PTX3: variants seen among roughly 807,000 people sequenced by gnomAD.
The protein encoded by PTX3 is pentraxin-related protein PTX3.
PTX3 carries 24 observed loss-of-function variants against 23.5 expected under a neutral mutation model. The ratio of observed to expected loss-of-function variants is 1.02; its 90% CI spans 0.74 to 1.43. The LOEUF is 1.43. PTX3 is among the 40% of genes most tolerant of loss of function. The pLI, the probability that PTX3 is intolerant of heterozygous loss-of-function variation, is 0.00. For synonymous variants in PTX3, 218 were observed against 205.4 expected (o/e 1.06, Z -0.53); for missense variants, 510 against 497.5 (o/e 1.02, Z -0.24).
In PTX3 at chr3:157,436,879, T is replaced by A. The variant is rs1733620906; in HGVS notation, c.-55T>A. The A allele has an allele frequency of 6.3e-7, 1 of 1,588,506 alleles. No homozygotes were observed. Among genetic ancestry groups the A allele is most frequent in the Admixed American group, 1.8e-5 (1 of 56,504 alleles). Reference sequence around the variant, plus strand: ...TCACTCTCCTCCGCTCAAACTCAGCTCACTTGAGAGTCTCCTCCCGCCAGC... The same window carrying A: ...TCACTCTCCTCCGCTCAAACTCAGCACACTTGAGAGTCTCCTCCCGCCAGC... On this transcript the variant is annotated 5_prime_UTR_variant, in exon 1 of 3. Coordinates refer to ENST00000295927, the MANE Select transcript of PTX3 (RefSeq NM_002852.4).
chr3:157,439,100 G>T (rs1425581108), intron 2 of PTX3, among the ~76,000 whole-genome samples: 1 of 152,104 alleles, frequency 6.6e-6, no homozygotes, highest in East Asian at 1.9e-4. Context: ...CTTCAGAGGA[G>T]AAAAAGCATA....
rs987133414 is a variant in PTX3, at chr3:157,442,653, T to C, written c.820T>C (p.Trp274Arg). 1 of 1,614,204 alleles carries C rather than the reference T, an allele frequency of 6.2e-7. No homozygotes were observed. Among genetic ancestry groups the C allele is most frequent in the Non-Finnish European group, 8.5e-7 (1 of 1,180,032 alleles). The change falls in exon 3 of 3, where the codon TGG becomes CGG. Residue 274 changes from tryptophan (W) to arginine (R), a missense_variant. Coordinates refer to ENST00000295927, the MANE Select transcript of PTX3 (RefSeq NM_002852.4). ...AAGGTGGACCCACCTGTGCGGCACC[T>C]GGAATTCAGAGGAAGGGCTCACATC... ...LGRWTHLCGT[W>R]NSEEGLTSLW... is the part of the protein sequence containing the mutation.
In PTX3 at chr3:157,438,020, AGC is replaced by A. The variant is rs113324549; in HGVS notation, c.532+123_532+124del. ...CCTTCTAGGGGAAGCTTTCATGGGAAGCGCGCGCGCGCGCGCGCACACACACA... is the reference window on the plus strand; with the variant it reads ...CCTTCTAGGGGAAGCTTTCATGGGAAGCGCGCGCGCGCGCGCACACACACA... On this transcript the variant is annotated intron_variant, in intron 2 of 2. Transcript: ENST00000295927. 5,987 of 829,452 alleles carry A rather than the reference AGC, an allele frequency of 7.2e-3. 53 individuals carry two copies. The highest frequency in any genetic ancestry group is 0.032 in the African/African-American group (1,538 of 48,514). The allele number at this position is 829,452 out of a possible 1,614,324, so 51.4% of individuals were successfully genotyped here.
At position 157,437,722 on chromosome 3, in the gene PTX3, AC is replaced by A; in HGVS notation, c.342del (p.Ser115ValfsTer39). The A allele has an allele frequency of 6.5e-7, 1 of 1,527,000 alleles. No homozygotes were observed. The allele number at this position is 1,527,000 out of a possible 1,614,324, so 94.6% of individuals were successfully genotyped here. A position where few individuals can be genotyped will look rare whatever the true frequency, so the allele number is the denominator to read the frequency against. On this transcript the variant is annotated frameshift_variant, in exon 2 of 3. Coordinates refer to ENST00000295927, the MANE Select transcript of PTX3 (RefSeq NM_002852.4). LOFTEE classifies it high-confidence loss of function. ...GGGGGCTCCCGCAGAGGCCAGGCTG[AC>A]CAGTGCTCTGGACGAGCTGCTGCAG... ...APGAPAEARLTSALDELLQAT... is the reference protein window; with the variant it reads ...APGAPAEARLXSALDELLQAT...
Position 157,437,702 on chromosome 3 carries a change from C to T in PTX3, c.320C>T (p.Ala107Val), listed in dbSNP as rs1430005190. 3 of 1,531,754 alleles carry T rather than the reference C, an allele frequency of 2.0e-6. No individual in the cohort carries two copies. The Admixed American group carries it at 5.9e-5, about 30-fold the overall frequency. 94.9% of individuals were successfully genotyped at this position (1,531,754 alleles called of 1,614,324 possible). The stretch of plus-strand genomic sequence containing the variant: ...CTGGCGAGGCCGTGCGCGCCGGGGG[C>T]TCCCGCAGAGGCCAGGCTGACCAGT... ...ESLARPCAPG[A>V]PAEARLTSAL... The change falls in exon 2 of 3, where the codon GCT becomes GTT. Residue 107 changes from alanine to valine, a missense_variant. Coordinates refer to ENST00000295927, the MANE Select transcript of PTX3 (RefSeq NM_002852.4).
Position 157,438,037 on chromosome 3 carries a change from GCACACACACACA to G in PTX3, c.532+147_532+158del, listed in dbSNP as rs781700719. ...TCATGGGAAGCGCGCGCGCGCGCGC[GCACACACACACA>G]CACACACACACACACACACACACCC... On this transcript the variant is annotated intron_variant, in intron 2 of 2. Transcript: ENST00000295927. 44 of 516,102 alleles carry G rather than the reference GCACACACACACA, an allele frequency of 8.5e-5. 1 individual carries two copies. The highest frequency in any genetic ancestry group is 1.0e-3 in the Middle Eastern group (2 of 1,944). 32.0% of individuals were successfully genotyped at this position (516,102 alleles called of 1,614,324 possible).
intron 2 of PTX3, among the ~76,000 whole-genome samples, chr3:157,439,997 G>A (rs1440345289): frequency 1.3e-5 from 2 of 152,056 alleles, no homozygotes; most frequent in Non-Finnish European, 2.9e-5. Context: ...TGATCCACCC[G>A]CCTCAGCCTC....
chr3:157,437,630 G>T lies in PTX3; in HGVS notation c.248G>T (p.Gly83Val), dbSNP rs148943471. 4 of 1,555,522 alleles carry T rather than the reference G, an allele frequency of 2.6e-6. No homozygotes were observed. In the South Asian group the frequency reaches 3.5e-5, roughly 14 times the overall value. The part of the protein sequence containing the change: ...LLQATDDVLR[G>V]ELQRLREELG... ...CAAGCCACGGACGACGTCCTGCGGGGCGAGCTGCAGAGGCTGCGGGAGGAG... is the reference window on the plus strand; with the variant it reads ...CAAGCCACGGACGACGTCCTGCGGGTCGAGCTGCAGAGGCTGCGGGAGGAG... Residue 83 changes from glycine to valine, a missense_variant, in exon 2 of 3, where the codon GGC (glycine) becomes GTC (valine). Physicochemically the swap from Gly to Val is moderately radical, Grantham distance 109. Coordinates refer to ENST00000295927, the MANE Select transcript of PTX3 (RefSeq NM_002852.4).
rs1734233757 is a variant in PTX3 at position 157,442,779 on chromosome 3, G to A, written c.946G>A (p.Gly316Ser). The change falls in exon 3 of 3, where the codon GGC (glycine) becomes AGC (serine). Residue 316 changes from glycine (G) to serine (S), a missense_variant. By Grantham distance (56) the Gly-to-Ser change is moderately conservative. Coordinates refer to ENST00000295927, the MANE Select transcript of PTX3 (RefSeq NM_002852.4). ...GILQIGQEKN[G>S]CCVGGGFDET... ...CCTGCAGATTGGCCAAGAAAAGAATGGCTGCTGTGTGGGTGGTGGCTTTGA... is the reference window on the plus strand; with the variant it reads ...CCTGCAGATTGGCCAAGAAAAGAATAGCTGCTGTGTGGGTGGTGGCTTTGA... The A allele has an allele frequency of 6.2e-7, 1 of 1,614,236 alleles. No individual in the cohort carries two copies. The highest frequency in any genetic ancestry group is 8.5e-7 in the Non-Finnish European group (1 of 1,180,040).
At chr3:157,439,544 G>T (rs1220339391) in intron 2 of PTX3, among the ~76,000 whole-genome samples, 1 of 152,056 alleles carries the variant, frequency 6.6e-6, no homozygotes, top group Non-Finnish European at 1.5e-5. Context: ...TCGTTTTTGG[G>T]TATCCCTGGT....
intron 1 of PTX3, 94 bp downstream of exon 1, chr3:157,437,157 A>G (rs1733663288): frequency 1.1e-5 from 16 of 1,498,226 alleles, no homozygotes; most frequent in Non-Finnish European, 1.5e-5. Context: ...CAGTGAGACA[A>G]GTTAAAAATT....
Position 157,437,730 on chromosome 3 carries a change from T to G in PTX3, c.348T>G (p.Ala116=). The G allele has an allele frequency of 6.6e-7, 1 of 1,513,422 alleles. No homozygotes were observed. The highest frequency in any genetic ancestry group is 1.4e-5 in the African/African-American group (1 of 69,894). 93.7% of individuals were successfully genotyped at this position (1,513,422 alleles called of 1,614,324 possible). A position where few individuals can be genotyped will look rare whatever the true frequency, so the allele number is the denominator to read the frequency against. The change falls in exon 2 of 3, where the codon GCT becomes GCG. Residue 116 remains alanine (A), a synonymous_variant. Coordinates refer to ENST00000295927, the MANE Select transcript of PTX3 (RefSeq NM_002852.4). The part of the protein sequence containing the change: ...GAPAEARLTS[A]LDELLQATRD... ...CCGCAGAGGCCAGGCTGACCAGTGC[T>G]CTGGACGAGCTGCTGCAGGCGACCC...
rs925191489 is a variant in PTX3 at position 157,442,808 on chromosome 3, A to G, written c.975A>G (p.Glu325=). The change falls in exon 3 of 3, where the codon GAA becomes GAG. Residue 325 remains glutamate (E), a synonymous_variant. Coordinates refer to ENST00000295927, the MANE Select transcript of PTX3 (RefSeq NM_002852.4). ...NGCCVGGGFD[E]TLAFSGRLTG... ...GCTGTGTGGGTGGTGGCTTTGATGA[A>G]ACATTAGCCTTCTCTGGGAGACTCA... The G allele has an allele frequency of 6.8e-6, 11 of 1,614,190 alleles. No individual in the cohort carries two copies. Among genetic ancestry groups the G allele is most frequent in the Middle Eastern group, 1.6e-4 (1 of 6,062 alleles).
chr3:157,441,186 A>C (rs73028088), intron 2 of PTX3, among the ~76,000 whole-genome samples: 1 of 152,350 alleles, frequency 6.6e-6, no homozygotes, highest in African/African-American at 2.4e-5. Context: ...TCTATTAATA[A>C]GAGGCACTGT....
intron 2 of PTX3, among the ~76,000 whole-genome samples, chr3:157,440,993 A>G (rs1577666368): frequency 6.6e-6 from 1 of 152,260 alleles, no homozygotes. Flanking sequence ...TTTTTGGTCT[A>G]TTCAGCTCTT....
At chr3:157,437,980 A>T in intron 2 of PTX3, 66 bp downstream of exon 2, 1 of 1,495,714 alleles carries the variant, frequency 6.7e-7, no homozygotes, top group East Asian at 2.6e-5. Context: ...CGTAACGGCA[A>T]GCCAAGCCAG....
In PTX3 at chr3:157,442,812, T is replaced by G; in HGVS notation, c.979T>G (p.Leu327Val). The G allele has an allele frequency of 6.2e-7, 1 of 1,614,190 alleles. No homozygotes were observed. The highest frequency in any genetic ancestry group is 8.5e-7 in the Non-Finnish European group (1 of 1,180,022). ...TGTGGGTGGTGGCTTTGATGAAACATTAGCCTTCTCTGGGAGACTCACAGG... is the reference window on the plus strand; with the variant it reads ...TGTGGGTGGTGGCTTTGATGAAACAGTAGCCTTCTCTGGGAGACTCACAGG... ...CCVGGGFDET[L>V]AFSGRLTGFN... The change falls in exon 3 of 3, where the codon TTA becomes GTA. Residue 327 changes from leucine (L) to valine (V), a missense_variant. Physicochemically the swap from Leu to Val is conservative, Grantham distance 32 (BLOSUM62 1). Coordinates refer to ENST00000295927, the MANE Select transcript of PTX3 (RefSeq NM_002852.4).
chr3:157,437,669 C>A lies in PTX3; in HGVS notation c.287C>A (p.Ala96Glu), dbSNP rs1020705566. The change falls in exon 2 of 3, where the codon GCG (alanine) becomes GAG (glutamate). Residue 96 changes from alanine (A) to glutamate (E), a missense_variant. Coordinates refer to ENST00000295927, the MANE Select transcript of PTX3 (RefSeq NM_002852.4). Reference protein sequence around the residue: ...QRLREELGRLAESLARPCAPG... With the variant: ...QRLREELGRLEESLARPCAPG... Reference sequence around the variant, plus strand: ...CTGCGGGAGGAGCTGGGCCGGCTCGCGGAAAGCCTGGCGAGGCCGTGCGCG... The same window carrying A: ...CTGCGGGAGGAGCTGGGCCGGCTCGAGGAAAGCCTGGCGAGGCCGTGCGCG... The A allele has an allele frequency of 7.1e-6, 11 of 1,539,266 alleles. No homozygotes were observed. The African/African-American group carries it at 1.5e-4, about 21-fold the overall frequency.
At chr3:157,442,157 C>T (rs553859416) in intron 2 of PTX3, among the ~76,000 whole-genome samples, 62 of 152,228 alleles carry the variant, frequency 4.1e-4, no homozygotes, top group Admixed American at 2.2e-3. Flanking sequence ...CATTTAGATG[C>T]TTCATTGGAT....
Sources: allele counts gnomAD v4.1 joint callset (sites outside exome capture counted in the v4.1 genomes callset), GRCh38; gene constraint gnomAD v4.1.1; transcripts MANE v1.5; gene names NCBI Gene and HGNC (gene_info 2026-07-23, HGNC 2026-07-21).